Variants in TENM3 observed in about 807,000 individuals in gnomAD.
TENM3 encodes teneurin-3.
TENM3 carries 63 observed loss-of-function variants against 255.1 expected under a neutral mutation model. That is an observed-to-expected ratio of 0.25 (90% CI 0.20 to 0.30). TENM3 has a LOEUF of 0.30. TENM3 is among the 10% of genes least tolerant of loss of function. The probability of loss-of-function intolerance (pLI) is 1.00; values close to 1 mark genes in which losing one functional copy is unlikely to be tolerated. For synonymous variants in TENM3, 1,306 were observed against 1,322.3 expected, an observed-to-expected ratio of 0.99 and a Z score of 0.27; for missense variants, 2,929 against 3,461.1, an observed-to-expected ratio of 0.85 and a Z score of 3.86.
At chr4:181,763,132 T>C in the TENM3 span, among the ~76,000 whole-genome samples, 2 of 152,196 alleles carry the variant, frequency 1.3e-5, no homozygotes, top group African/African-American at 4.8e-5. Context: ...AATCTTCTTT[T>C]TTATCTAAGA....
chr4:181,686,983 A>G, the TENM3 span, among the ~76,000 whole-genome samples: 242 of 152,250 alleles, frequency 1.6e-3, 1 homozygote, highest in South Asian at 3.5e-3. Context: ...GCTTTCTATA[A>G]AAAAGTGATT....
the TENM3 span, among the ~76,000 whole-genome samples, chr4:181,465,108 T>A: frequency 6.6e-6 from 1 of 152,196 alleles, no homozygotes; most frequent in African/African-American, 2.4e-5. Flanking sequence ...TTTGTGACTA[T>A]AATTCACTTT....
chr4:181,733,977 A>C, the TENM3 span, among the ~76,000 whole-genome samples: 3 of 152,312 alleles, frequency 2.0e-5, no homozygotes, highest in Non-Finnish European at 2.9e-5. Context: ...TTATTGTAGA[A>C]GTTCCCAGCA....
rs530850677 is a variant in TENM3, at chr4:182,224,610, G to A, written c.-76+79856G>A. 1.3e-4 allele frequency among the ~76,000 whole-genome samples: 20 copies of A among 152,276 alleles called. No homozygotes were observed. The East Asian group carries it at 3.7e-3, about 28-fold the overall frequency. On this transcript the variant is annotated intron_variant, in intron 1 of 2. Transcript: ENST00000512480. ...AAACCACAGTCTGGCCCCAGGTGAG[G>A]TAGGGAGAGGATTGTTAGGGGAAGT...
intron 3 of TENM3, among the ~76,000 whole-genome samples, chr4:182,553,073 T>G (rs1010729244): frequency 2.6e-5 from 4 of 152,046 alleles, no homozygotes; most frequent in Non-Finnish European, 5.9e-5. Context: ...GCTTTTGTAA[T>G]CTTTAAATAG....
At chr4:181,573,721 A>G in the TENM3 span, among the ~76,000 whole-genome samples, 1 of 152,236 alleles carries the variant, frequency 6.6e-6, no homozygotes, top group Non-Finnish European at 1.5e-5. Flanking sequence ...CTCAGGTTAT[A>G]TTAGAAAATC....
intron 5 of TENM3, among the ~76,000 whole-genome samples, chr4:182,647,142 G>A (rs571665850): frequency 1.3e-5 from 2 of 152,246 alleles, no homozygotes; most frequent in South Asian, 2.1e-4. Flanking sequence ...TTAAGTTTCC[G>A]ACTTTGTGTC....
At chr4:182,453,550 A>G (rs1463064989) in intron 3 of TENM3, among the ~76,000 whole-genome samples, 1 of 152,170 alleles carries the variant, frequency 6.6e-6, no homozygotes, top group Non-Finnish European at 1.5e-5. Context: ...TAACAAAATG[A>G]CTAATATGGG....
At chr4:182,398,278 C>T (rs1213007187) in intron 3 of TENM3, among the ~76,000 whole-genome samples, 1 of 152,144 alleles carries the variant, frequency 6.6e-6, no homozygotes, top group Non-Finnish European at 1.5e-5. Flanking sequence ...AGGCATTAGG[C>T]TGTGAGTCCT....
chr4:181,662,645 A>G, the TENM3 span, among the ~76,000 whole-genome samples: 1 of 152,184 alleles, frequency 6.6e-6, no homozygotes, highest in African/African-American at 2.4e-5. Context: ...TTTTAGTATT[A>G]TGAAGACACA....
At position 182,334,449 on chromosome 4, in the gene TENM3, A is replaced by G. The variant is rs911378518; in HGVS notation, c.232+10197A>G. ...GAGTGATCTTCAAATTTATCTTAAA[A>G]TTCAAGTGATCATAAAATTCGTATT... On this transcript the variant is annotated intron_variant, in intron 2 of 27. Transcript: ENST00000511685. Among the ~76,000 whole-genome samples, 6 of 152,162 alleles carry G rather than the reference A, an allele frequency of 3.9e-5. No homozygotes were observed. The South Asian group carries it at 8.3e-4, about 21-fold the overall frequency.
rs760045844 is a variant in TENM3, at chr4:182,751,942, G to A, written c.3772G>A (p.Ala1258Thr). 9.9e-6 allele frequency: 16 copies of A among 1,613,724 alleles called. No individual in the cohort carries two copies. Among genetic ancestry groups the A allele is most frequent in the Admixed American group, 3.3e-5 (2 of 59,994 alleles). ...CTTGACTAAAAATGCAGAAGTCGTC[G>A]CAGGGACAGGGGAGCAATGCCTTCC... is the stretch of plus-strand genomic sequence containing the variant. ...KDLTKNAEVV[A>T]GTGEQCLPFD... Residue 1258 changes from alanine to threonine, a missense_variant, in exon 20 of 28, where the codon GCA becomes ACA. Ala to Thr is a moderately conservative substitution (Grantham distance 58, BLOSUM62 0). Around this residue, in one of 6 missense-constraint regions of TENM3, gnomAD observed 1,608 missense variants for 1,884.4 expected, o/e 0.85. Transcript: ENST00000511685.
the TENM3 span, among the ~76,000 whole-genome samples, chr4:181,645,071 C>G: frequency 6.6e-6 from 1 of 152,086 alleles, no homozygotes; most frequent in Non-Finnish European, 1.5e-5. Flanking sequence ...AAAGTGTTTT[C>G]CAAAAATTGG....
chr4:181,937,135 A>G, the TENM3 span, among the ~76,000 whole-genome samples: 1 of 152,214 alleles, frequency 6.6e-6, no homozygotes, highest in East Asian at 1.9e-4. Context: ...AAGCGAAAGC[A>G]CCAGCGTGTG....
chr4:181,461,579 T>C, the TENM3 span, among the ~76,000 whole-genome samples: 1 of 152,180 alleles, frequency 6.6e-6, no homozygotes, highest in Non-Finnish European at 1.5e-5. Flanking sequence ...GCACTTCATT[T>C]TGGATTATTT....
At chr4:181,596,108 A>T in the TENM3 span, among the ~76,000 whole-genome samples, 1 of 152,334 alleles carries the variant, frequency 6.6e-6, no homozygotes, top group Admixed American at 6.5e-5. Flanking sequence ...CACGCAGAAC[A>T]GTTCCTGACA....
chr4:181,588,261 C>T, the TENM3 span, among the ~76,000 whole-genome samples: 2 of 152,310 alleles, frequency 1.3e-5, no homozygotes, highest in Admixed American at 1.3e-4. Context: ...ATCTGAAGTT[C>T]ACATTCCCTA....
intron 3 of TENM3, among the ~76,000 whole-genome samples, chr4:182,523,135 G>C (rs1205219984): frequency 2.6e-5 from 4 of 152,010 alleles, no homozygotes; most frequent in Admixed American, 2.0e-4. Context: ...TTTTTAAATT[G>C]AATAATTTGG....
intron 11 of TENM3, among the ~76,000 whole-genome samples, chr4:182,687,788 G>A (rs1756698519): frequency 6.7e-6 from 1 of 150,226 alleles, no homozygotes; most frequent in Non-Finnish European, 1.5e-5. Context: ...TCATTAATTT[G>A]GGGATGGGGG....
Sources: allele counts gnomAD v4.1 joint callset (sites outside exome capture counted in the v4.1 genomes callset), GRCh38; gene constraint gnomAD v4.1.1; regional missense constraint gnomAD v4.1.1; transcripts MANE v1.5; gene names NCBI Gene and HGNC (gene_info 2026-07-23, HGNC 2026-07-21).